The following HELB variants were observed in gnomAD, a reference collection of about 807,000 sequenced individuals.
HELB encodes DNA 5'-3' helicase B.
A neutral mutation model predicts 101.7 loss-of-function variants in HELB; 96 were observed. The observed-to-expected ratio is 0.94, with a 90% CI of 0.80 to 1.12. HELB has a LOEUF of 1.12. HELB is among the 50% of genes most tolerant of loss of function. The pLI is 0.00. For missense variants in HELB, 1,210 were observed against 1,291.9 expected, an observed-to-expected ratio of 0.94 and a Z score of 0.97; for synonymous variants, 437 against 459.7, an observed-to-expected ratio of 0.95 and a Z score of 0.63.
chr12:66,326,329 G>A (rs912317117), intron 11 of HELB, among the ~76,000 whole-genome samples: 10 of 151,752 alleles, frequency 6.6e-5, no homozygotes, highest in Admixed American at 4.6e-4. Context: ...TGTAAGTTCC[G>A]CCTCCCAGGT....
At chr12:66,330,425 T>C (rs756934037) in intron 11 of HELB, among the ~76,000 whole-genome samples, 1 of 151,928 alleles carries the variant, frequency 6.6e-6, no homozygotes, top group Non-Finnish European at 1.5e-5. Context: ...TGGTAGAATT[T>C]CTCTCTTTTT....
rs565423731 is a variant in HELB, at chr12:66,305,591, A to T, written c.607+441A>T. On this transcript the variant is annotated intron_variant, in intron 2 of 12. Coordinates refer to ENST00000247815, the MANE Select transcript of HELB (RefSeq NM_001370285.1). ...ACCTTGTCTCTACAAAAAATTTTTT[A>T]AAAATTAGCCAGGTGTGGTGATATA... is the stretch of plus-strand genomic sequence containing the variant. 2.8e-4 allele frequency among the ~76,000 whole-genome samples: 43 copies of T among 152,208 alleles called. No individual in the cohort carries two copies. The South Asian group carries it at 5.2e-3, about 18-fold the overall frequency.
Position 66,318,819 on chromosome 12 carries a change from G to C in HELB, c.2155+27G>C. On this transcript the variant is annotated intron_variant, in intron 7 of 12. Coordinates refer to ENST00000247815, the MANE Select transcript of HELB (RefSeq NM_001370285.1). ...TAAGTATAAACTTCTATGAGATGTA[G>C]AGTTAAGTATAACTATTTAAGTTTT... 4 of 1,542,180 alleles carry C rather than the reference G, an allele frequency of 2.6e-6. No homozygotes were observed. In the South Asian group the frequency reaches 3.7e-5, roughly 14 times the overall value.
intron 12 of HELB, among the ~76,000 whole-genome samples, chr12:66,337,258 C>T (rs931052154): frequency 2.6e-5 from 4 of 152,094 alleles, no homozygotes; most frequent in African/African-American, 9.7e-5. Flanking sequence ...AGAATCCCTG[C>T]TGATTCTAGG....
At chr12:66,337,485 G>A (rs773204691) in intron 12 of HELB, among the ~76,000 whole-genome samples, 2 of 152,012 alleles carry the variant, frequency 1.3e-5, no homozygotes, top group Non-Finnish European at 2.9e-5. Context: ...TCATCATGAC[G>A]ATACTGGCCC....
At chr12:66,305,452 CA>C (rs2053463688) in intron 2 of HELB, among the ~76,000 whole-genome samples, 1 of 152,084 alleles carries the variant, frequency 6.6e-6, no homozygotes, top group Non-Finnish European at 1.5e-5. Context: ...AAAAAAAATT[CA>C]GTTGCTGGCC....
At position 66,331,404 on chromosome 12, in the gene HELB, A is replaced by G; in HGVS notation, c.2921A>G (p.Asp974Gly). The G allele has an allele frequency of 6.2e-7, 1 of 1,614,196 alleles. No homozygotes were observed. Among genetic ancestry groups the G allele is most frequent in the Non-Finnish European group, 8.5e-7 (1 of 1,180,034 alleles). ...CCGTCCCCACGGAAGAGCTCTGGAG[A>G]CAGTGGAGGACCCAGCACACCGTCA... ...DFPSPRKSSGDSGGPSTPSAS... is the reference protein window; with the variant it reads ...DFPSPRKSSGGSGGPSTPSAS... The change falls in exon 12 of 13, where the codon GAC (aspartate) becomes GGC (glycine). Residue 974 changes from aspartate (D) to glycine (G), a missense_variant. This residue lies in a region of HELB where 740 missense variants were observed against 728.8 expected (regional missense o/e 1.02). Transcript: ENST00000247815.
intron 1 of HELB, among the ~76,000 whole-genome samples, chr12:66,303,283 T>G (rs1406444245): frequency 6.6e-6 from 1 of 152,074 alleles, no homozygotes; most frequent in Non-Finnish European, 1.5e-5. Flanking sequence ...CTTGTAATTA[T>G]TATCCTATAT....
chr12:66,302,535 A>G lies in HELB; in HGVS notation c.-69A>G, dbSNP rs1159536866. On this transcript the variant is annotated 5_prime_UTR_variant, in exon 1 of 13. Transcript: ENST00000247815. ...TGATGGCCTTACAGTCGTAGAACTG[A>G]TTGGCTGATCATGACCATGCAGTTA... 21 of 1,454,166 alleles carry G rather than the reference A, an allele frequency of 1.4e-5. No individual in the cohort carries two copies. Among genetic ancestry groups the G allele is most frequent in the Non-Finnish European group, 1.1e-5 (12 of 1,049,568 alleles). 90.1% of individuals were successfully genotyped at this position (1,454,166 alleles called of 1,614,324 possible).
Position 66,302,668 on chromosome 12 carries a change from T to TGGA in HELB, c.72_74dup (p.Glu24dup), listed in dbSNP as rs1424041980. ...CCTCTGCTCCCACCCAGGGATCTGG[T>TGGA]GGAGGAGGACGACGACTACCTAAAC... On this transcript the variant is annotated inframe_insertion, in exon 1 of 13. Transcript: ENST00000247815. The TGGA allele has an allele frequency of 6.2e-7, 1 of 1,613,814 alleles. No individual in the cohort carries two copies. Among genetic ancestry groups the TGGA allele is most frequent in the Non-Finnish European group, 8.5e-7 (1 of 1,179,936 alleles).
At position 66,309,960 on chromosome 12, in the gene HELB, G is replaced by A. The variant is rs201690544; in HGVS notation, c.1032G>A (p.Val344=). Residue 344 remains valine, a synonymous_variant, in exon 4 of 13, where the codon GTG becomes GTA. Coordinates refer to ENST00000247815, the MANE Select transcript of HELB (RefSeq NM_001370285.1). Reference sequence around the variant, plus strand: ...AGTTTTTGAAGGATATTGGTGTGGTGACATATGAGAAGTCCTGTGTCTTCC... The same window carrying A: ...AGTTTTTGAAGGATATTGGTGTGGTAACATATGAGAAGTCCTGTGTCTTCC... The part of the protein sequence containing the change: ...SLKFLKDIGV[V]TYEKSCVFPY... 21 of 1,614,208 alleles carry A rather than the reference G, an allele frequency of 1.3e-5. No individual in the cohort carries two copies. Among genetic ancestry groups the A allele is most frequent in the Middle Eastern group, 1.6e-4 (1 of 6,062 alleles).
At chr12:66,303,779 G>A (rs183515323) in intron 1 of HELB, among the ~76,000 whole-genome samples, 16 of 152,330 alleles carry the variant, frequency 1.1e-4, no homozygotes, top group African/African-American at 3.6e-4. Context: ...GTAGTTTCCT[G>A]TGCTATAAGT....
At chr12:66,322,864 C>A in intron 9 of HELB, 81 bp downstream of exon 9, 3 of 844,440 alleles carry the variant, frequency 3.6e-6, no homozygotes, top group South Asian at 1.6e-5. Flanking sequence ...TGATGTTTGT[C>A]ACCTATTTAC....
At chr12:66,336,941 T>A (rs1171569282) in intron 12 of HELB, among the ~76,000 whole-genome samples, 1 of 152,144 alleles carries the variant, frequency 6.6e-6, no homozygotes, top group Non-Finnish European at 1.5e-5. Flanking sequence ...AGGGAATGAG[T>A]TCTCAGCCAA....
At chr12:66,336,377 A>G (rs1002344801) in intron 12 of HELB, among the ~76,000 whole-genome samples, 1 of 152,180 alleles carries the variant, frequency 6.6e-6, no homozygotes, top group African/African-American at 2.4e-5. Flanking sequence ...AATTTGGGTA[A>G]TGGATTTTGT....
chr12:66,331,077 T>TG lies in HELB; in HGVS notation c.2671-76dup, dbSNP rs1296878277. 5 of 1,489,676 alleles carry TG rather than the reference T, an allele frequency of 3.4e-6. No homozygotes were observed. The African/African-American group carries it at 7.0e-5, about 21-fold the overall frequency. 92.3% of individuals were successfully genotyped at this position (1,489,676 alleles called of 1,614,324 possible). ...AGTGCTTGAGAGCACTTTGAACACTTGTCTCCTTTCCTTGTCTGTAAACTG... is the reference window on the plus strand; with the variant it reads ...AGTGCTTGAGAGCACTTTGAACACTTGGTCTCCTTTCCTTGTCTGTAAACTG... On this transcript the variant is annotated intron_variant, in intron 11 of 12. Coordinates refer to ENST00000247815, the MANE Select transcript of HELB (RefSeq NM_001370285.1).
intron 7 of HELB, chr12:66,321,630 CTT>C: frequency 3.7e-6 from 1 of 273,576 alleles, no homozygotes; most frequent in South Asian, 3.7e-5. Flanking sequence ...ACTTTGTACT[CTT>C]GTTTATTTCT....
intron 6 of HELB, among the ~76,000 whole-genome samples, 190 bp downstream of exon 6, chr12:66,315,573 T>C (rs10748038): frequency 0.71 from 107,666 of 152,028 alleles, 38,636 homozygotes; most frequent in Middle Eastern, 0.83. Flanking sequence ...ACTGGTCCAG[T>C]ATAAGTTATT....
downstream of HELB, chr12:66,340,071 T>C (rs1429893262): frequency 6.6e-6 from 1 of 152,246 alleles, no homozygotes; most frequent in Non-Finnish European, 1.5e-5. Context: ...GAAATGCTGC[T>C]ATGAACATCT....
Sources: allele counts gnomAD v4.1 joint callset (sites outside exome capture counted in the v4.1 genomes callset), GRCh38; gene constraint gnomAD v4.1.1; regional missense constraint gnomAD v4.1.1; transcripts MANE v1.5; gene names NCBI Gene and HGNC (gene_info 2026-07-23, HGNC 2026-07-21).